Variants in EDAR observed in about 807,000 individuals in gnomAD.
EDAR encodes ectodysplasin A receptor, also known as tumor necrosis factor receptor superfamily member EDAR.
In EDAR, 38 loss-of-function variants were observed where a neutral mutation model predicts 51.3. That is an observed-to-expected ratio of 0.74 (90% CI 0.57 to 0.97). EDAR has a LOEUF of 0.97. Among genes scored for constraint, EDAR ranks in the 50% least tolerant of loss-of-function variants. The pLI, the probability that EDAR is intolerant of heterozygous loss-of-function variation, is 0.00. For missense variants in EDAR, 528 were observed against 595.0 expected (o/e 0.89, Z 1.17); for synonymous variants, 227 against 242.1 (o/e 0.94, Z 0.58).
At chr2:108,959,581 GC>G (rs957103659) in intron 1 of EDAR, among the ~76,000 whole-genome samples, 1 of 151,388 alleles carries the variant, frequency 6.6e-6, no homozygotes, top group Non-Finnish European at 1.5e-5. Flanking sequence ...CAGTCATGGG[GC>G]TGAGGGGAGC....
intron 1 of EDAR, among the ~76,000 whole-genome samples, chr2:108,944,765 C>T (rs560098285): frequency 2.0e-5 from 3 of 152,276 alleles, no homozygotes; most frequent in Admixed American, 2.0e-4. Flanking sequence ...AGAGCCGGTC[C>T]CAGACCTTCC....
At chr2:108,979,760 C>A (rs560789331) in intron 1 of EDAR, among the ~76,000 whole-genome samples, 4 of 152,232 alleles carry the variant, frequency 2.6e-5, no homozygotes, top group South Asian at 2.1e-4. Context: ...GCCACTGAGG[C>A]GCATGTCACC....
At chr2:108,976,459 C>A (rs56135111) in intron 1 of EDAR, among the ~76,000 whole-genome samples, 1,543 of 152,258 alleles carry the variant, frequency 0.01, 20 homozygotes, top group Middle Eastern at 0.02. Flanking sequence ...TGGCAGGATT[C>A]CCCACTCTGA....
At chr2:108,948,503 A>G (rs1697758184) in intron 1 of EDAR, among the ~76,000 whole-genome samples, 1 of 152,210 alleles carries the variant, frequency 6.6e-6, no homozygotes, top group Admixed American at 6.5e-5. Flanking sequence ...TGGGTAATTT[A>G]TAAAGAAAGG....
chr2:108,900,498 G>T (rs1487982259), intron 11 of EDAR, among the ~76,000 whole-genome samples: 1 of 150,900 alleles, frequency 6.6e-6, no homozygotes, highest in Non-Finnish European at 1.5e-5. Flanking sequence ...AGGTTGCAGT[G>T]AGCCAAGATC....
chr2:108,908,219 T>C (rs1397078077), intron 9 of EDAR, among the ~76,000 whole-genome samples, 200 bp from the exon 10 acceptor site: 1 of 152,096 alleles, frequency 6.6e-6, no homozygotes, highest in Non-Finnish European at 1.5e-5. Flanking sequence ...TTCCTGCTTC[T>C]TTCCAAACAA....
At chr2:108,913,241 G>A (rs1395377050) in intron 5 of EDAR, among the ~76,000 whole-genome samples, 5 of 152,018 alleles carry the variant, frequency 3.3e-5, no homozygotes, top group Non-Finnish European at 4.4e-5. Context: ...GAGCCACCGC[G>A]CCCGGCTGGT....
rs893785281 is a variant in EDAR, at chr2:108,894,519, A to C, written c.*2388T>G. 6.6e-6 allele frequency: 1 copy of C among 152,614 alleles called. No individual in the cohort carries two copies. Among genetic ancestry groups the C allele is most frequent in the African/African-American group, 2.4e-5 (1 of 41,446 alleles). 9.5% of individuals were successfully genotyped at this position (152,614 alleles called of 1,614,324 possible). On this transcript the variant is annotated 3_prime_UTR_variant, in exon 12 of 12. Coordinates refer to ENST00000258443, the MANE Select transcript of EDAR (RefSeq NM_022336.4). ...TTATAAAATATAATAAGTTATATAT[A>C]TACAGAATTAGACAAAAATAATATT...
In EDAR at chr2:108,978,165, G is replaced by C. The variant is rs1463866785; in HGVS notation, c.-19+10795C>G. On this transcript the variant is annotated intron_variant, in intron 1 of 11. Transcript: ENST00000258443. ...CCCGCCCCTGTAATGCCAAGTACAGGGCCTGCTGAGCTACGGCCTTCACTG... is the reference window on the plus strand; with the variant it reads ...CCCGCCCCTGTAATGCCAAGTACAGCGCCTGCTGAGCTACGGCCTTCACTG... Among the ~76,000 whole-genome samples the C allele has an allele frequency of 2.6e-5, 4 of 152,342 alleles. No homozygotes were observed. The East Asian group carries it at 7.7e-4, about 29-fold the overall frequency.
intron 1 of EDAR, among the ~76,000 whole-genome samples, chr2:108,969,812 A>G (rs990608190): frequency 2.0e-5 from 3 of 152,230 alleles, no homozygotes; most frequent in Admixed American, 2.0e-4. Flanking sequence ...CAAAATATTA[A>G]TAACAACGCA....
At chr2:108,905,297 G>C (rs1439884465) in intron 11 of EDAR, among the ~76,000 whole-genome samples, 1 of 152,172 alleles carries the variant, frequency 6.6e-6, no homozygotes, top group Non-Finnish European at 1.5e-5. Flanking sequence ...CTGGTGGATG[G>C]AAGGTGAGTC....
At chr2:108,979,981 C>T (rs967265303) in intron 1 of EDAR, among the ~76,000 whole-genome samples, 6 of 142,526 alleles carry the variant, frequency 4.2e-5, no homozygotes, top group Non-Finnish European at 7.9e-5. Flanking sequence ...CTGGCCTCTG[C>T]TTCTTCACTT....
chr2:108,930,423 G>A (rs1051909496), intron 2 of EDAR, among the ~76,000 whole-genome samples, 181 bp from the exon 3 acceptor site: 1 of 152,076 alleles, frequency 6.6e-6, no homozygotes, highest in Non-Finnish European at 1.5e-5. Flanking sequence ...GTGGCTCCTG[G>A]TTGATCACCT....
At chr2:108,917,969 C>G (rs1697058182) in intron 5 of EDAR, among the ~76,000 whole-genome samples, 1 of 151,902 alleles carries the variant, frequency 6.6e-6, no homozygotes, top group South Asian at 2.1e-4. Flanking sequence ...TGCATTACCC[C>G]TAAATGCTTG....
intron 1 of EDAR, among the ~76,000 whole-genome samples, chr2:108,932,402 A>AC (rs949950057): frequency 4.6e-5 from 7 of 151,636 alleles, no homozygotes; most frequent in African/African-American, 1.7e-4. Flanking sequence ...GGTGGTGGGC[A>AC]CCTGTAGTCC....
intron 1 of EDAR, among the ~76,000 whole-genome samples, chr2:108,934,207 T>C (rs371078166): frequency 3.3e-5 from 5 of 152,174 alleles, no homozygotes; most frequent in African/African-American, 4.8e-5. Flanking sequence ...TGTGTTTCAT[T>C]ATTGTTACCA....
At chr2:108,987,664 C>G (rs149003590) in intron 1 of EDAR, among the ~76,000 whole-genome samples, 1 of 152,216 alleles carries the variant, frequency 6.6e-6, no homozygotes, top group African/African-American at 2.4e-5. Flanking sequence ...ATTAATCCTC[C>G]CACAGCACAG....
intron 1 of EDAR, among the ~76,000 whole-genome samples, chr2:108,935,646 T>TCA (rs145008294): frequency 0.021 from 3,185 of 151,762 alleles, 44 homozygotes; most frequent in African/African-American, 0.038. Flanking sequence ...GCACCCCTTT[T>TCA]CACACACACA....
chr2:108,977,850 C>T lies in EDAR; in HGVS notation c.-19+11110G>A, dbSNP rs556321847. On this transcript the variant is annotated intron_variant, in intron 1 of 11. Transcript: ENST00000258443. ...TCTTGTTCTACTTCTGGTTCACACA[C>T]TTTTTAAGCCTTCATCAACCACAAG... Among the ~76,000 whole-genome samples, 4 of 152,322 alleles carry T rather than the reference C, an allele frequency of 2.6e-5. No individual in the cohort carries two copies. The East Asian group carries it at 5.8e-4, about 22-fold the overall frequency.
Sources: allele counts gnomAD v4.1 joint callset (sites outside exome capture counted in the v4.1 genomes callset), GRCh38; gene constraint gnomAD v4.1.1; transcripts MANE v1.5; gene names NCBI Gene and HGNC (gene_info 2026-07-23, HGNC 2026-07-21).